The following TPO variants were observed in gnomAD, a reference collection of about 807,000 sequenced individuals.
TPO encodes thyroid microsomal antigen.
In TPO, 78 loss-of-function variants were observed where a neutral mutation model predicts 96.9. That is an observed-to-expected ratio of 0.81 (90% CI 0.67 to 0.97). The LOEUF (loss-of-function observed/expected upper bound fraction) is 0.97. TPO is among the 50% of genes least tolerant of loss of function. The pLI, the probability that TPO is intolerant of heterozygous loss-of-function variation, is 0.00. For synonymous variants in TPO, 547 were observed against 538.0 expected (o/e 1.02, Z -0.23); for missense variants, 1,252 against 1,274.8 (o/e 0.98, Z 0.27).
chr2:1,433,711 C>A, intron 4 of TPO, 104 bp downstream of exon 4: 2 of 1,377,968 alleles, frequency 1.5e-6, no homozygotes, highest in Non-Finnish European at 2.0e-6. Flanking sequence ...TTACTTGAGA[C>A]CAAGCAGGAT....
intron 7 of TPO, among the ~76,000 whole-genome samples, chr2:1,459,340 C>T (rs1407931106): frequency 6.6e-6 from 1 of 151,854 alleles, no homozygotes; most frequent in Non-Finnish European, 1.5e-5. Context: ...TTAGTAGAGA[C>T]GGGGTGTCAC....
At chr2:1,395,167 A>G (rs976287710) in intron 1 of TPO, among the ~76,000 whole-genome samples, 1 of 152,138 alleles carries the variant, frequency 6.6e-6, no homozygotes, top group Non-Finnish European at 1.5e-5. Flanking sequence ...CTGCCTCTCC[A>G]GGCAGCTCCA....
intron 5 of TPO, among the ~76,000 whole-genome samples, chr2:1,444,208 C>A (rs1454127150): frequency 8.3e-6 from 1 of 120,496 alleles, no homozygotes; most frequent in African/African-American, 3.2e-5. Context: ...GTTATTGCTG[C>A]AGGAGGCACC....
intron 7 of TPO, among the ~76,000 whole-genome samples, chr2:1,460,872 C>G (rs11211652): frequency 0.43 from 64,608 of 151,776 alleles, 14,052 homozygotes; most frequent in East Asian, 0.49. Flanking sequence ...CACCTTTGGG[C>G]TCCCCTGGAG....
intron 7 of TPO, among the ~76,000 whole-genome samples, chr2:1,472,793 GT>G (rs1303694609): frequency 7.6e-5 from 4 of 52,888 alleles, no homozygotes; most frequent in Non-Finnish European, 1.4e-4. Flanking sequence ...CAACAGCCTT[GT>G]TTTTTTCTCA....
At chr2:1,541,109 A>ATGTT (rs1200099867) in intron 16 of TPO, 30 of 1,194,366 alleles carry the variant, frequency 2.5e-5, no homozygotes, top group East Asian at 5.6e-5. Context: ...AAAAATGTGT[A>ATGTT]TGTTTATGTT....
intron 5 of TPO, among the ~76,000 whole-genome samples, chr2:1,451,720 G>A (rs777184276): frequency 2.0e-5 from 3 of 152,106 alleles, no homozygotes; most frequent in Non-Finnish European, 4.4e-5. Flanking sequence ...ATGGAACCCG[G>A]ATATCATGAC....
chr2:1,494,354 TC>T (rs780823014), intron 11 of TPO, among the ~76,000 whole-genome samples: 47 of 152,340 alleles, frequency 3.1e-4, no homozygotes, highest in Middle Eastern at 6.8e-3. Context: ...GGAGACTGCA[TC>T]CCATCCCTCA....
rs948580656 is a variant in TPO at position 1,542,850 on chromosome 2, T to C, written c.*376T>C. The C allele has an allele frequency of 6.2e-5, 24 of 385,224 alleles. No individual in the cohort carries two copies. Among genetic ancestry groups the C allele is most frequent in the Admixed American group, 2.3e-4 (6 of 26,160 alleles). 23.9% of individuals were successfully genotyped at this position (385,224 alleles called of 1,614,324 possible). ...CCGGCGGTCCCTCCAGCACTGGTTT[T>C]TCCACACCCCCTGCCCATCACCAGG... is the stretch of plus-strand genomic sequence containing the variant. On this transcript the variant is annotated 3_prime_UTR_variant, in exon 17 of 17. Transcript: ENST00000329066.
chr2:1,495,039 G>T (rs574673456), intron 11 of TPO, among the ~76,000 whole-genome samples: 3 of 152,210 alleles, frequency 2.0e-5, no homozygotes, highest in African/African-American at 7.2e-5. Context: ...GAAGGGGGAA[G>T]ATTTCACCAG....
chr2:1,505,510 A>C (rs1297017682), intron 14 of TPO, among the ~76,000 whole-genome samples: 98 of 7,648 alleles, frequency 0.013, no homozygotes, highest in Non-Finnish European at 0.015. Flanking sequence ...CACCCCCACC[A>C]CCATCCTGTG....
chr2:1,478,221 T>C, intron 8 of TPO: 1 of 985,424 alleles, frequency 1.0e-6, no homozygotes, highest in Non-Finnish European at 1.2e-6. Context: ...TGGCCTTTTA[T>C]TAATTGTGTG....
At chr2:1,537,695 TCAAATCCCAACTGTGAGCGACCTCCC>T (rs1680141151) in intron 15 of TPO, among the ~76,000 whole-genome samples, 2 of 63,672 alleles carry the variant, frequency 3.1e-5, no homozygotes, top group Admixed American at 2.3e-4. Flanking sequence ...TGGAACCTCC[TCAAATCCCAACTGTGAGCGACCTCCC>T]CAAATCCCCC....
intron 1 of TPO, among the ~76,000 whole-genome samples, chr2:1,383,260 C>G (rs549714345): frequency 1.7e-4 from 26 of 152,110 alleles, no homozygotes; most frequent in Non-Finnish European, 3.5e-4. Flanking sequence ...ATGGCTGGGT[C>G]AAATGGTATT....
At chr2:1,519,903 G>T (rs1675077067) in intron 15 of TPO, among the ~76,000 whole-genome samples, 1 of 152,156 alleles carries the variant, frequency 6.6e-6, no homozygotes, top group African/African-American at 2.4e-5. Flanking sequence ...TAGATGAAAT[G>T]AATACCTTTC....
chr2:1,409,074 C>T (rs530722021), upstream of TPO, among the ~76,000 whole-genome samples: 27 of 152,250 alleles, frequency 1.8e-4, no homozygotes, highest in Admixed American at 4.6e-4. Context: ...AGAGGAGCTT[C>T]GCACAGGGAC....
rs777101230 is a variant in TPO at position 1,477,620 on chromosome 2, C to T, written c.1338+16C>T. ...TCTGCACCAGGTGCGCGGGGTGGTC[C>T]TGGGCGCCCTGGGTGGCTGCGGGCA... On this transcript the variant is annotated intron_variant, in intron 8 of 16. Coordinates refer to ENST00000329066, the MANE Select transcript of TPO (RefSeq NM_001206744.2). 5.4e-6 allele frequency: 8 copies of T among 1,483,756 alleles called. No homozygotes were observed. The South Asian group carries it at 9.1e-5, about 17-fold the overall frequency. 91.9% of individuals were successfully genotyped at this position (1,483,756 alleles called of 1,614,324 possible). A position where few individuals can be genotyped will look rare whatever the true frequency, so the allele number is the denominator to read the frequency against.
At chr2:1,443,193 T>C (rs1266473161) in intron 5 of TPO, among the ~76,000 whole-genome samples, 1 of 152,058 alleles carries the variant, frequency 6.6e-6, no homozygotes, top group Non-Finnish European at 1.5e-5. Flanking sequence ...TTGTATGGTG[T>C]AGGCAATGCC....
intron 13 of TPO, among the ~76,000 whole-genome samples, chr2:1,501,753 C>G (rs759919954): frequency 7.2e-5 from 11 of 152,218 alleles, no homozygotes; most frequent in African/African-American, 2.6e-4. Flanking sequence ...CCCCCAGGAC[C>G]CACCAGGAGC....
Sources: allele counts gnomAD v4.1 joint callset (sites outside exome capture counted in the v4.1 genomes callset), GRCh38; gene constraint gnomAD v4.1.1; transcripts MANE v1.5; gene names NCBI Gene and HGNC (gene_info 2026-07-23, HGNC 2026-07-21).